C10orf90: variants seen among roughly 807,000 people sequenced by gnomAD.
C10orf90 encodes the protein (E2-independent) E3 ubiquitin-conjugating enzyme FATS.
In C10orf90, 56 loss-of-function variants were observed where a neutral mutation model predicts 62.5. That is an observed-to-expected ratio of 0.90 (90% CI 0.72 to 1.12). The LOEUF (loss-of-function observed/expected upper bound fraction) is 1.12. C10orf90 is among the 50% of genes most tolerant of loss of function. The pLI is 0.00. For missense variants in C10orf90, 970 were observed against 880.4 expected (o/e 1.10, Z -1.29); for synonymous variants, 386 against 340.4 (o/e 1.13, Z -1.47).
chr10:126,645,258 TAAA>T (rs1182066967), intron 2 of C10orf90, among the ~76,000 whole-genome samples: 11 of 66,288 alleles, frequency 1.7e-4, no homozygotes, highest in Middle Eastern at 0.011. Flanking sequence ...ACTTAAAGTA[TAAA>T]AAAAAAAAAA....
intron 2 of C10orf90, among the ~76,000 whole-genome samples, chr10:126,598,943 T>C (rs1033306703): frequency 6.6e-6 from 1 of 152,212 alleles, no homozygotes; most frequent in African/African-American, 2.4e-5. Flanking sequence ...ATAATTCAGC[T>C]TTGCTCTATA....
At chr10:126,448,017 CTTTTTTTTTTTT>C (rs1186409126) in intron 7 of C10orf90, among the ~76,000 whole-genome samples, 1 of 79,202 alleles carries the variant, frequency 1.3e-5, no homozygotes, top group African/African-American at 5.2e-5. Flanking sequence ...ATGCCTGGCT[CTTTTTTTTTTTT>C]TTTTTTTTTT....
chr10:126,565,491 C>T (rs1844364329), intron 2 of C10orf90, among the ~76,000 whole-genome samples: 1 of 133,094 alleles, frequency 7.5e-6, no homozygotes, highest in African/African-American at 2.9e-5. Flanking sequence ...TGCTGTCACC[C>T]TCCCTAAAAA....
At chr10:126,632,200 C>T (rs1845863714) in intron 2 of C10orf90, among the ~76,000 whole-genome samples, 1 of 152,044 alleles carries the variant, frequency 6.6e-6, no homozygotes, top group Non-Finnish European at 1.5e-5. Flanking sequence ...AATGTTGCCA[C>T]ACAACCAGTC....
chr10:126,565,417 T>TATATATATTATATTATATAATA (rs1564874545), intron 2 of C10orf90, among the ~76,000 whole-genome samples: 21 of 15,380 alleles, frequency 1.4e-3, no homozygotes, highest in East Asian at 4.1e-3. Flanking sequence ...TAATATATAT[T>TATATATATTATATTATATAATA]ATATATATTA....
intron 1 of C10orf90, among the ~76,000 whole-genome samples, chr10:126,656,052 G>A (rs941845314): frequency 6.6e-6 from 1 of 152,076 alleles, no homozygotes; most frequent in African/African-American, 2.4e-5. Flanking sequence ...TAGGGGAAGT[G>A]ATAACTTCTG....
At chr10:126,434,892 G>T (rs1328790859) in intron 7 of C10orf90, among the ~76,000 whole-genome samples, 2 of 152,110 alleles carry the variant, frequency 1.3e-5, no homozygotes, top group Non-Finnish European at 1.5e-5. Context: ...ATAGGAGAGT[G>T]GTCTATCTTG....
chr10:126,562,390 C>T (rs1391958716), intron 2 of C10orf90, among the ~76,000 whole-genome samples: 3 of 152,168 alleles, frequency 2.0e-5, no homozygotes, highest in East Asian at 1.9e-4. Context: ...CTCACCAAGA[C>T]GAACCTGCTA....
intron 2 of C10orf90, among the ~76,000 whole-genome samples, chr10:126,580,810 T>C (rs1044530869): frequency 6.6e-6 from 1 of 151,982 alleles, no homozygotes; most frequent in Admixed American, 6.5e-5. Context: ...TGTGCAAAAG[T>C]GTATATATGT....
chr10:126,431,884 T>G (rs909119866), intron 7 of C10orf90, among the ~76,000 whole-genome samples: 2 of 152,130 alleles, frequency 1.3e-5, no homozygotes, highest in Admixed American at 6.5e-5. Context: ...AAATGTGAGC[T>G]CTCTGACACC....
At chr10:126,454,845 C>G (rs549301247) in intron 7 of C10orf90, among the ~76,000 whole-genome samples, 2 of 152,230 alleles carry the variant, frequency 1.3e-5, no homozygotes, top group South Asian at 4.2e-4. Context: ...GATGGGGAAG[C>G]CTTGCTTATC....
chr10:126,445,293 A>G (rs1858686642), intron 7 of C10orf90, among the ~76,000 whole-genome samples: 1 of 152,184 alleles, frequency 6.6e-6, no homozygotes, highest in South Asian at 2.1e-4. Context: ...AATATCCAGA[A>G]TCTACAATGA....
chr10:126,496,742 G>C, intron 4 of C10orf90: 1 of 981,372 alleles, frequency 1.0e-6, no homozygotes, highest in Non-Finnish European at 1.2e-6. Context: ...GGTAGTTTGA[G>C]GAAGGAAACA....
intron 2 of C10orf90, among the ~76,000 whole-genome samples, chr10:126,582,428 G>A (rs1363599122): frequency 2.0e-5 from 3 of 152,142 alleles, no homozygotes; most frequent in Non-Finnish European, 2.9e-5. Context: ...CACTTATGAA[G>A]CCCGCATGGA....
At chr10:126,485,980 A>G (rs1010779706) in intron 4 of C10orf90, among the ~76,000 whole-genome samples, 1 of 152,070 alleles carries the variant, frequency 6.6e-6, no homozygotes, top group Non-Finnish European at 1.5e-5. Context: ...ATAAGTATAA[A>G]GACATGTTTA....
At chr10:126,609,969 C>T (rs1374593584) in intron 2 of C10orf90, among the ~76,000 whole-genome samples, 1 of 152,190 alleles carries the variant, frequency 6.6e-6, no homozygotes, top group Non-Finnish European at 1.5e-5. Flanking sequence ...GGACCTGTAC[C>T]TGGAGCCTTC....
intron 4 of C10orf90, among the ~76,000 whole-genome samples, chr10:126,500,758 A>G (rs1470901890): frequency 6.6e-6 from 1 of 152,206 alleles, no homozygotes; most frequent in Non-Finnish European, 1.5e-5. Context: ...CTCAGTAGAA[A>G]CAGCTATTTG....
At chr10:126,613,897 C>G (rs973699732) in intron 2 of C10orf90, among the ~76,000 whole-genome samples, 3 of 152,198 alleles carry the variant, frequency 2.0e-5, no homozygotes, top group Admixed American at 2.0e-4. Flanking sequence ...TTGTGATGAC[C>G]TGACCCTCAC....
chr10:126,530,649 G>A (rs1431934042), intron 2 of C10orf90, among the ~76,000 whole-genome samples: 1 of 152,048 alleles, frequency 6.6e-6, no homozygotes, highest in Non-Finnish European at 1.5e-5. Context: ...AAATGAAAGG[G>A]ATAGAATAAG....
Sources: allele counts gnomAD v4.1 joint callset (sites outside exome capture counted in the v4.1 genomes callset), GRCh38; gene constraint gnomAD v4.1.1; transcripts MANE v1.5; gene names NCBI Gene and HGNC (gene_info 2026-07-23, HGNC 2026-07-21).